The following WDR49 variants were observed in gnomAD, a reference collection of about 807,000 sequenced individuals.
The protein encoded by WDR49 is cilia- and flagella-associated protein 337.
WDR49 carries 107 observed loss-of-function variants against 119.5 expected under a neutral mutation model. The ratio of observed to expected loss-of-function variants is 0.90; its 90% CI spans 0.77 to 1.05. WDR49 has a LOEUF of 1.05. Among genes scored for constraint, WDR49 ranks in the 50% least tolerant of loss-of-function variants. WDR49 has a pLI of 0.00. For missense variants in WDR49, 1,240 were observed against 1,220.5 expected (o/e 1.02, Z -0.24); for synonymous variants, 425 against 418.8 (o/e 1.01, Z -0.18).
At chr3:167,513,713 T>A (rs1036356006) in intron 16 of WDR49, among the ~76,000 whole-genome samples, 5 of 152,122 alleles carry the variant, frequency 3.3e-5, no homozygotes, top group Non-Finnish European at 7.4e-5. Context: ...CTTCAAAAGA[T>A]GTGTCTCACA....
intron 2 of WDR49, among the ~76,000 whole-genome samples, chr3:167,652,113 C>T (rs186067115): frequency 7.9e-5 from 12 of 152,278 alleles, no homozygotes; most frequent in African/African-American, 2.9e-4. Flanking sequence ...GCAGTGAAAT[C>T]TTTCAGACAA....
intron 10 of WDR49, among the ~76,000 whole-genome samples, chr3:167,545,434 T>G (rs1712114422): frequency 6.7e-6 from 1 of 148,630 alleles, no homozygotes; most frequent in South Asian, 2.1e-4. Context: ...TGCAAAAATA[T>G]GGAACCAGCC....
At chr3:167,536,366 G>T (rs960103375) in intron 11 of WDR49, among the ~76,000 whole-genome samples, 1 of 151,908 alleles carries the variant, frequency 6.6e-6, no homozygotes, top group Non-Finnish European at 1.5e-5. Flanking sequence ...TTAATATTAT[G>T]TGTCAATCAT....
chr3:167,614,675 A>G (rs1357985870), intron 5 of WDR49, among the ~76,000 whole-genome samples: 5 of 152,196 alleles, frequency 3.3e-5, no homozygotes, highest in Non-Finnish European at 7.3e-5. Flanking sequence ...GCACTATGTT[A>G]ATACTCTTCT....
intron 18 of WDR49, among the ~76,000 whole-genome samples, chr3:167,480,018 G>A (rs573533338): frequency 6.6e-6 from 1 of 152,002 alleles, no homozygotes; most frequent in South Asian, 2.1e-4. Flanking sequence ...ATTGCCTGAG[G>A]TCAGGAGTTC....
chr3:167,480,694 AAGCAAAACAGCTGAGAT>A (rs1750684813), intron 18 of WDR49, among the ~76,000 whole-genome samples: 1 of 152,244 alleles, frequency 6.6e-6, no homozygotes, highest in Non-Finnish European at 1.5e-5. Context: ...AAATATAAAG[AAGCAAAACAGCTGAGAT>A]AGGACAAAAG....
At chr3:167,633,170 G>T (rs1717451455) in intron 2 of WDR49, among the ~76,000 whole-genome samples, 1 of 151,670 alleles carries the variant, frequency 6.6e-6, no homozygotes, top group African/African-American at 2.4e-5. Context: ...CTCTACCAGG[G>T]TGGCTAGTTG....
chr3:167,577,616 G>T (rs1183252469), intron 7 of WDR49, among the ~76,000 whole-genome samples: 1 of 152,006 alleles, frequency 6.6e-6, no homozygotes, highest in Non-Finnish European at 1.5e-5. Flanking sequence ...TTAACATGAT[G>T]ACCAGCCTGT....
intron 18 of WDR49, among the ~76,000 whole-genome samples, chr3:167,496,824 C>A (rs1049697890): frequency 6.6e-6 from 1 of 152,158 alleles, no homozygotes; most frequent in South Asian, 2.1e-4. Context: ...TATATACAAT[C>A]TGCTTCAGTC....
chr3:167,531,088 T>C lies in WDR49; in HGVS notation c.2218+27A>G. On this transcript the variant is annotated intron_variant, in intron 13 of 18. Transcript: ENST00000682715. ...TTCTTTATTGCTCCCTTTCCAACTA[T>C]ATGTAAAATGTAAATATATATTTTA... The C allele has an allele frequency of 1.9e-6, 3 of 1,594,212 alleles. No homozygotes were observed. The South Asian group carries it at 3.4e-5, about 18-fold the overall frequency.
intron 10 of WDR49, among the ~76,000 whole-genome samples, chr3:167,546,554 A>G (rs928135737): frequency 2.0e-5 from 3 of 151,824 alleles, no homozygotes; most frequent in Non-Finnish European, 1.5e-5. Flanking sequence ...CACACTCCAC[A>G]TTTGCCACCC....
At chr3:167,592,579 T>G (rs1715194885) in intron 7 of WDR49, among the ~76,000 whole-genome samples, 1 of 151,672 alleles carries the variant, frequency 6.6e-6, no homozygotes, top group African/African-American at 2.4e-5. Flanking sequence ...GGACTACAGG[T>G]GCACACCACC....
chr3:167,561,964 AAT>A (rs925464325), intron 8 of WDR49, among the ~76,000 whole-genome samples: 103 of 152,180 alleles, frequency 6.8e-4, no homozygotes, highest in African/African-American at 2.2e-3. Flanking sequence ...TACAAAGTTT[AAT>A]GAGCCTGAGC....
At chr3:167,510,235 G>A (rs1577206629) in intron 16 of WDR49, among the ~76,000 whole-genome samples, 2 of 152,068 alleles carry the variant, frequency 1.3e-5, no homozygotes. Context: ...ATACAAAAAT[G>A]AGCTGGGCAT....
intron 16 of WDR49, among the ~76,000 whole-genome samples, chr3:167,507,044 A>C (rs1352979179): frequency 6.6e-6 from 1 of 152,170 alleles, no homozygotes; most frequent in South Asian, 2.1e-4. Context: ...ACCTGGCCAC[A>C]GTTGTATGTG....
intron 16 of WDR49, among the ~76,000 whole-genome samples, chr3:167,519,301 G>A (rs1752337333): frequency 6.6e-6 from 1 of 152,046 alleles, no homozygotes; most frequent in South Asian, 2.1e-4. Context: ...ATACCCAAAG[G>A]AATATAAATC....
At chr3:167,613,453 G>C (rs1326011407) in intron 5 of WDR49, among the ~76,000 whole-genome samples, 1 of 152,150 alleles carries the variant, frequency 6.6e-6, no homozygotes, top group Non-Finnish European at 1.5e-5. Flanking sequence ...TAAACATAGT[G>C]ACAGAACTGG....
chr3:167,549,446 A>G (rs934570348), intron 10 of WDR49, among the ~76,000 whole-genome samples: 7 of 152,240 alleles, frequency 4.6e-5, no homozygotes, highest in African/African-American at 1.7e-4. Context: ...ATGGACAGCA[A>G]TGATGAGCAT....
chr3:167,604,524 T>A, intron 5 of WDR49, 56 bp from the exon 6 acceptor site: 1 of 1,465,300 alleles, frequency 6.8e-7, no homozygotes, highest in Non-Finnish European at 9.1e-7. Context: ...CACAAGATAT[T>A]AGTAAAATGG....
Sources: allele counts gnomAD v4.1 joint callset (sites outside exome capture counted in the v4.1 genomes callset), GRCh38; gene constraint gnomAD v4.1.1; transcripts MANE v1.5; gene names NCBI Gene and HGNC (gene_info 2026-07-23, HGNC 2026-07-21).